Variants in CAMTA1 observed in about 807,000 individuals in gnomAD.
CAMTA1 encodes the protein calmodulin-binding transcription activator 1.
A neutral mutation model predicts 170.9 loss-of-function variants in CAMTA1; 27 were observed. That is an observed-to-expected ratio of 0.16 (90% CI 0.12 to 0.22). The LOEUF (loss-of-function observed/expected upper bound fraction) is 0.22, where lower values mean the gene tolerates loss of function less well. CAMTA1 is among the 10% of genes least tolerant of loss of function. CAMTA1 has a pLI of 1.00. For missense variants in CAMTA1, 1,619 were observed against 2,217.2 expected (o/e 0.73, Z 5.42); for synonymous variants, 833 against 891.5 (o/e 0.93, Z 1.17).
intron 5 of CAMTA1, among the ~76,000 whole-genome samples, chr1:7,277,461 G>A (rs1032778842): frequency 4.8e-4 from 66 of 137,580 alleles, no homozygotes; most frequent in Middle Eastern, 6.7e-3. Flanking sequence ...GCAATGGTGT[G>A]TGTGTGTGTG....
intron 4 of CAMTA1, among the ~76,000 whole-genome samples, chr1:7,138,859 G>C (rs1163815535): frequency 1.3e-5 from 2 of 151,752 alleles, no homozygotes; most frequent in Non-Finnish European, 2.9e-5. Context: ...GCTGGGTTTT[G>C]TGGTGTGTGC....
chr1:7,597,317 G>C (rs2095407725), intron 6 of CAMTA1, among the ~76,000 whole-genome samples: 1 of 152,218 alleles, frequency 6.6e-6, no homozygotes, highest in African/African-American at 2.4e-5. Context: ...TGACGCCTGT[G>C]ATGTTCACTC....
At chr1:6,984,624 TACTC>T (rs201655284) in intron 3 of CAMTA1, among the ~76,000 whole-genome samples, 6,294 of 147,434 alleles carry the variant, frequency 0.043, 185 homozygotes, top group Non-Finnish European at 0.069. Context: ...AAAAAGAAAA[TACTC>T]ACAAAAAACA....
At chr1:7,382,816 A>G (rs1041083819) in intron 5 of CAMTA1, 2 of 148,650 alleles carry the variant, frequency 1.3e-5, no homozygotes, top group Non-Finnish European at 3.0e-5. Context: ...CTAGATAGAT[A>G]CTTGCTTCCT....
At chr1:7,658,941 C>T (rs893486822) in intron 7 of CAMTA1, among the ~76,000 whole-genome samples, 7 of 152,208 alleles carry the variant, frequency 4.6e-5, no homozygotes, top group South Asian at 2.1e-4. Context: ...TGCCTGCCTG[C>T]GCCTATCACA....
chr1:6,860,884 C>T (rs550895710), intron 3 of CAMTA1, among the ~76,000 whole-genome samples: 65 of 151,478 alleles, frequency 4.3e-4, no homozygotes, highest in African/African-American at 1.5e-3. Flanking sequence ...TGCCCTCCAG[C>T]CTGGGTGACA....
intron 3 of CAMTA1, among the ~76,000 whole-genome samples, chr1:6,848,376 T>G (rs1472094507): frequency 3.3e-5 from 5 of 152,192 alleles, no homozygotes; most frequent in Non-Finnish European, 7.3e-5. Context: ...CTTGAACTCC[T>G]AGTCTCAAGT....
At chr1:6,999,961 T>C (rs1450993281) in intron 3 of CAMTA1, among the ~76,000 whole-genome samples, 1 of 152,230 alleles carries the variant, frequency 6.6e-6, no homozygotes, top group Non-Finnish European at 1.5e-5. Flanking sequence ...CCAGCCTCTA[T>C]TGCAAGTCCC....
chr1:7,636,387 A>G lies in CAMTA1; in HGVS notation c.511-4013A>G, dbSNP rs908991170. ...AGAAAAGATGAAGAACCAGCCTTGC[A>G]TTGTATCTTACCTTCCTAGCAACAA... On this transcript the variant is annotated intron_variant, in intron 6 of 22. Coordinates refer to ENST00000303635, the MANE Select transcript of CAMTA1 (RefSeq NM_015215.4). Among the ~76,000 whole-genome samples the G allele has an allele frequency of 2.0e-5, 3 of 152,306 alleles. 1 individual carries two copies. Among genetic ancestry groups the G allele is most frequent in the South Asian group, 4.2e-4 (2 of 4,816 alleles).
chr1:7,372,916 A>G (rs1230189323), intron 5 of CAMTA1, among the ~76,000 whole-genome samples: 8 of 152,196 alleles, frequency 5.3e-5, no homozygotes, highest in Admixed American at 3.9e-4. Context: ...CAAAGGGGCC[A>G]GGCCCCATTG....
chr1:7,285,328 A>G (rs1672200959), intron 5 of CAMTA1, among the ~76,000 whole-genome samples: 1 of 152,198 alleles, frequency 6.6e-6, no homozygotes, highest in Non-Finnish European at 1.5e-5. Flanking sequence ...TTTCCAGCCA[A>G]GTCTGGGACT....
chr1:7,538,696 C>A (rs900041235), intron 6 of CAMTA1, among the ~76,000 whole-genome samples: 1 of 152,196 alleles, frequency 6.6e-6, no homozygotes, highest in African/African-American at 2.4e-5. Flanking sequence ...ACCTCAGACC[C>A]CAACAAACTG....
chr1:7,009,260 G>C (rs993472684), intron 3 of CAMTA1, among the ~76,000 whole-genome samples: 1 of 152,252 alleles, frequency 6.6e-6, no homozygotes, highest in Admixed American at 6.5e-5. Flanking sequence ...GCTGCTGGGA[G>C]GTTTCTGGGG....
intron 7 of CAMTA1, among the ~76,000 whole-genome samples, chr1:7,643,218 C>T (rs538040441): frequency 3.9e-5 from 6 of 152,336 alleles, no homozygotes; most frequent in African/African-American, 1.2e-4. Flanking sequence ...TCTGCTTCTT[C>T]TTAGGTCACT....
intron 1 of CAMTA1, among the ~76,000 whole-genome samples, chr1:6,797,109 A>G (rs1642707786): frequency 2.0e-5 from 3 of 152,128 alleles, no homozygotes; most frequent in Non-Finnish European, 4.4e-5. Context: ...TTGCTTTGTC[A>G]CCCAGACTGG....
At chr1:7,241,965 A>C (rs1488659236) in intron 4 of CAMTA1, among the ~76,000 whole-genome samples, 2 of 151,266 alleles carry the variant, frequency 1.3e-5, no homozygotes, top group Non-Finnish European at 2.9e-5. Flanking sequence ...CAAAGGGGAA[A>C]ATTTTTACTC....
rs1220808490 is a variant in CAMTA1 at position 7,585,521 on chromosome 1, G to A, written c.511-54879G>A. Among the ~76,000 whole-genome samples, 1 of 148,624 alleles carries A rather than the reference G, an allele frequency of 6.7e-6. No homozygotes were observed. Among genetic ancestry groups the A allele is most frequent in the African/African-American group, 2.6e-5 (1 of 38,044 alleles). On this transcript the variant is annotated intron_variant, in intron 6 of 22. Coordinates refer to ENST00000303635, the MANE Select transcript of CAMTA1 (RefSeq NM_015215.4). This position sits in a 1 kb window ranked among gnomAD's most constrained non-coding sequence, Gnocchi z 4.8. ...GAGGCTACAGAGGTGACCAGGACCA[G>A]ATGGGTCCAGCCCATGGGCATTGTA...
intron 22 of CAMTA1, among the ~76,000 whole-genome samples, chr1:7,765,273 T>TCTGC (rs1362365216): frequency 6.6e-6 from 1 of 152,202 alleles, no homozygotes; most frequent in African/African-American, 2.4e-5. Context: ...GGTTCGTAAT[T>TCTGC]GTCAGTGTAG....
intron 4 of CAMTA1, among the ~76,000 whole-genome samples, chr1:7,109,302 ACTATGCAT>A (rs1255994523): frequency 6.6e-6 from 1 of 152,228 alleles, no homozygotes; most frequent in African/African-American, 2.4e-5. Context: ...CTGCTGCCGC[ACTATGCAT>A]TACACGAAAG....
Sources: gnomAD v4.1 joint callset for allele counts (sites outside exome capture counted in the v4.1 genomes callset) on GRCh38, gnomAD v4.1.1 for gene constraint, Gnocchi (gnomAD v3.1) non-coding constraint, MANE v1.5 for transcripts, NCBI Gene and HGNC (gene_info 2026-07-23, HGNC 2026-07-21) for gene names.